Variants in RSPO2 observed in about 807,000 individuals in gnomAD.
RSPO2 encodes the protein R-spondin-2.
In RSPO2, 14 loss-of-function variants were observed where a neutral mutation model predicts 30.9. The observed-to-expected ratio is 0.45, with a 90% CI of 0.30 to 0.71. The LOEUF is 0.71. RSPO2 is among the 30% of genes least tolerant of loss of function. The pLI is 0.08. For missense variants in RSPO2, 264 were observed against 301.9 expected (o/e 0.87, Z 0.93); for synonymous variants, 107 against 96.4 (o/e 1.11, Z -0.64).
At chr8:107,925,137 CT>C (rs1812317738) in intron 5 of RSPO2, among the ~76,000 whole-genome samples, 1 of 151,660 alleles carries the variant, frequency 6.6e-6, no homozygotes, top group Non-Finnish European at 1.5e-5. Context: ...GATTTAGAGG[CT>C]TGGCAGGGGG....
intron 3 of RSPO2, among the ~76,000 whole-genome samples, chr8:107,980,860 T>C (rs1053234221): frequency 4.6e-5 from 7 of 152,218 alleles, no homozygotes; most frequent in African/African-American, 1.7e-4. Flanking sequence ...ACTAACCCCA[T>C]TGGCCCACTG....
Position 107,899,588 on chromosome 8 carries a change from A to AGTT in RSPO2, c.*1484_*1486dup, listed in dbSNP as rs1435819124. Reference sequence around the variant, plus strand: ...ATTGGTAAGATGCTTTTGAATCAAAAGTTAAAAACACTGAAGAGGTAGTTT... The same window carrying AGTT: ...ATTGGTAAGATGCTTTTGAATCAAAAGTTGTTAAAAACACTGAAGAGGTAGTTT... On this transcript the variant is annotated 3_prime_UTR_variant, in exon 6 of 6. Coordinates refer to ENST00000276659, the MANE Select transcript of RSPO2 (RefSeq NM_178565.5). The AGTT allele has an allele frequency of 1.2e-4, 19 of 152,768 alleles. No individual in the cohort carries two copies. Among genetic ancestry groups the AGTT allele is most frequent in the Non-Finnish European group, 2.5e-4 (17 of 68,022 alleles). 9.5% of individuals were successfully genotyped at this position (152,768 alleles called of 1,614,324 possible). A position where few individuals can be genotyped will look rare whatever the true frequency, so the allele number is the denominator to read the frequency against.
chr8:108,054,978 G>A (rs117850070), intron 2 of RSPO2, among the ~76,000 whole-genome samples: 1,867 of 152,160 alleles, frequency 0.012, 17 homozygotes, highest in Non-Finnish European at 0.021. Context: ...ACGATTAGCC[G>A]GGTGTGGTGG....
intron 5 of RSPO2, 41 bp from the exon 6 acceptor site, chr8:107,901,231 T>C (rs749170505): frequency 6.4e-7 from 1 of 1,570,156 alleles, no homozygotes; most frequent in South Asian, 1.2e-5. Context: ...CAGAAATGGC[T>C]CTTTCTCTAG....
chr8:108,056,399 G>A (rs1056989114), intron 2 of RSPO2, among the ~76,000 whole-genome samples: 9 of 151,250 alleles, frequency 6.0e-5, no homozygotes, highest in Admixed American at 6.6e-5. Flanking sequence ...CAGGCAGATC[G>A]CTTGAGCTCA....
intron 5 of RSPO2, among the ~76,000 whole-genome samples, chr8:107,933,368 C>T (rs1266367446): frequency 1.3e-5 from 2 of 152,104 alleles, no homozygotes; most frequent in Admixed American, 1.3e-4. Flanking sequence ...ACGAAATATA[C>T]ACATATTTAA....
chr8:107,918,102 T>G (rs1477913340), intron 5 of RSPO2, among the ~76,000 whole-genome samples: 1 of 152,186 alleles, frequency 6.6e-6, no homozygotes. Flanking sequence ...TGGACTGAAC[T>G]AATAGACAAG....
At chr8:107,929,233 A>G (rs1372047430) in intron 5 of RSPO2, among the ~76,000 whole-genome samples, 3 of 152,212 alleles carry the variant, frequency 2.0e-5, no homozygotes, top group Non-Finnish European at 4.4e-5. Context: ...TTTTGAGAGG[A>G]TAAGTAACAC....
chr8:108,024,455 C>T (rs1217544915), intron 2 of RSPO2, among the ~76,000 whole-genome samples: 2 of 151,018 alleles, frequency 1.3e-5, no homozygotes, highest in African/African-American at 4.9e-5. Context: ...AAGCTCAGTG[C>T]AAATGAGTAT....
At chr8:107,992,407 G>A (rs1814879041) in intron 2 of RSPO2, among the ~76,000 whole-genome samples, 1 of 152,102 alleles carries the variant, frequency 6.6e-6, no homozygotes, top group Non-Finnish European at 1.5e-5. Flanking sequence ...CCTATTGGAG[G>A]GCAGAGGATG....
chr8:107,914,843 C>T (rs1321603758), intron 5 of RSPO2, among the ~76,000 whole-genome samples: 1 of 152,102 alleles, frequency 6.6e-6, no homozygotes, highest in Non-Finnish European at 1.5e-5. Context: ...TATGTGTTTT[C>T]CTAATCTTCC....
At chr8:108,076,403 G>T (rs543668112) in intron 2 of RSPO2, among the ~76,000 whole-genome samples, 2 of 152,312 alleles carry the variant, frequency 1.3e-5, no homozygotes, top group Admixed American at 6.5e-5. Flanking sequence ...GCACTGTAAG[G>T]GATGGAGCAT....
chr8:108,006,579 AT>A (rs551430013), intron 2 of RSPO2, among the ~76,000 whole-genome samples: 3 of 151,610 alleles, frequency 2.0e-5, no homozygotes, highest in Non-Finnish European at 2.9e-5. Context: ...ATTTTTATAG[AT>A]TTTTTTTAAT....
Position 107,958,277 on chromosome 8 carries a change from G to T in RSPO2, c.428-9C>A, listed in dbSNP as rs751737083. 7.5e-6 allele frequency: 12 copies of T among 1,595,794 alleles called. No individual in the cohort carries two copies. The highest frequency in any genetic ancestry group is 9.4e-6 in the Non-Finnish European group (11 of 1,170,970). ...ACCAACTTCACATCCTTCTAGTAAA[G>T]ATTTTTAGAAAAAGAAAAAAAAACA... On this transcript the variant is annotated splice_polypyrimidine_tract_variant and intron_variant, in intron 4 of 5. Coordinates refer to ENST00000276659, the MANE Select transcript of RSPO2 (RefSeq NM_178565.5).
Position 107,989,058 on chromosome 8 carries a change from G to A in RSPO2, c.281C>T (p.Ala94Val). ...GATAGACAAAACCAAATGCTCACTT[G>A]CACATCTGTTCATATCTGGGGCTCG... Reference protein sequence around the residue: ...GHRAPDMNRCARCRIENCDSC... With the variant: ...GHRAPDMNRCVRCRIENCDSC... The change falls in exon 3 of 6, where the codon GCA (alanine) becomes GTA (valine). Residue 94 changes from alanine (A) to valine (V), a missense_variant and splice_region_variant. Coordinates refer to ENST00000276659, the MANE Select transcript of RSPO2 (RefSeq NM_178565.5). 2 of 1,598,634 alleles carry A rather than the reference G, an allele frequency of 1.3e-6. No homozygotes were observed. Among genetic ancestry groups the A allele is most frequent in the African/African-American group, 1.4e-5 (1 of 74,010 alleles).
At chr8:107,919,467 G>T (rs903433212) in intron 5 of RSPO2, among the ~76,000 whole-genome samples, 1 of 152,108 alleles carries the variant, frequency 6.6e-6, no homozygotes, top group African/African-American at 2.4e-5. Flanking sequence ...GTAAGACCAA[G>T]AAATTAGCCA....
At chr8:108,031,677 T>C (rs1225418892) in intron 2 of RSPO2, among the ~76,000 whole-genome samples, 1 of 152,186 alleles carries the variant, frequency 6.6e-6, no homozygotes, top group East Asian at 1.9e-4. Context: ...ACACTGGGAA[T>C]GTTAAAGTTT....
chr8:108,027,829 T>C (rs1025744544), intron 2 of RSPO2, among the ~76,000 whole-genome samples: 2 of 152,224 alleles, frequency 1.3e-5, no homozygotes, highest in Admixed American at 6.5e-5. Flanking sequence ...CTTCTTTCTA[T>C]ACATTTCCTA....
chr8:107,926,810 A>T (rs997703482), intron 5 of RSPO2, among the ~76,000 whole-genome samples: 1 of 152,150 alleles, frequency 6.6e-6, no homozygotes, highest in Non-Finnish European at 1.5e-5. Context: ...CTTGTAGTAT[A>T]GTTTGAAGTC....
Sources: allele counts gnomAD v4.1 joint callset (sites outside exome capture counted in the v4.1 genomes callset), GRCh38; gene constraint gnomAD v4.1.1; transcripts MANE v1.5; gene names NCBI Gene and HGNC (gene_info 2026-07-23, HGNC 2026-07-21).